NCOA1: variants seen among roughly 807,000 people sequenced by gnomAD.
NCOA1 encodes Hin-2 protein.
NCOA1 carries 35 observed loss-of-function variants against 150.9 expected under a neutral mutation model. That is an observed-to-expected ratio of 0.23 (90% CI 0.18 to 0.31). NCOA1 has a LOEUF of 0.31. NCOA1 is among the 10% of genes least tolerant of loss of function. NCOA1 has a pLI of 1.00. For synonymous variants in NCOA1, 590 were observed against 630.0 expected, an observed-to-expected ratio of 0.94 and a Z score of 0.95; for missense variants, 1,491 against 1,749.3, an observed-to-expected ratio of 0.85 and a Z score of 2.63.
chr2:24,547,515 C>G (rs1349087289), intron 1 of NCOA1, among the ~76,000 whole-genome samples: 1 of 152,098 alleles, frequency 6.6e-6, no homozygotes, highest in Non-Finnish European at 1.5e-5. Context: ...CCCTGATAAA[C>G]TATGTAGAGC....
At chr2:24,740,928 A>G (rs1663569747) in intron 18 of NCOA1, among the ~76,000 whole-genome samples, 1 of 152,180 alleles carries the variant, frequency 6.6e-6, no homozygotes, top group Admixed American at 6.5e-5. Context: ...TTACATTGAA[A>G]AAATGATTTT....
Position 24,614,199 on chromosome 2 carries a change from C to CTTTT in NCOA1, c.-175+29668_-175+29671dup, listed in dbSNP as rs869113477. Reference sequence around the variant, plus strand: ...CCTATTGTATCGATTCATTTCCATTCTTTTTTTTTTTTTTTTTTTTTTTTT... The same window carrying CTTTT: ...CCTATTGTATCGATTCATTTCCATTCTTTTTTTTTTTTTTTTTTTTTTTTTTTTT... On this transcript the variant is annotated intron_variant, in intron 3 of 22. Coordinates refer to ENST00000348332, the MANE Select transcript of NCOA1 (RefSeq NM_003743.5). 4.4e-3 allele frequency among the ~76,000 whole-genome samples: 40 copies of CTTTT among 9,182 alleles called. 6 individuals are homozygous for CTTTT. The highest frequency in any genetic ancestry group is 7.8e-3 in the East Asian group (2 of 258). 6.0% of individuals were successfully genotyped at this position (9,182 alleles called of 152,430 possible). A position where few individuals can be genotyped will look rare whatever the true frequency, so the allele number is the denominator to read the frequency against.
At chr2:24,551,600 T>C (rs1358067894) in intron 1 of NCOA1, among the ~76,000 whole-genome samples, 1 of 152,204 alleles carries the variant, frequency 6.6e-6, no homozygotes, top group Non-Finnish European at 1.5e-5. Context: ...GTTATTTGAA[T>C]ATAGCTGTGA....
intron 22 of NCOA1, among the ~76,000 whole-genome samples, chr2:24,764,621 T>A (rs1324760189): frequency 6.6e-6 from 1 of 152,274 alleles, no homozygotes; most frequent in East Asian, 1.9e-4. Flanking sequence ...CAACTGAAGG[T>A]AAAGGGTTTA....
intron 1 of NCOA1, among the ~76,000 whole-genome samples, chr2:24,554,886 G>A (rs575024902): frequency 2.0e-5 from 3 of 152,244 alleles, no homozygotes; most frequent in African/African-American, 7.2e-5. Context: ...ATTGGAGTCC[G>A]CTTCTCTACT....
chr2:24,710,060 ATT>A (rs1484232727), intron 13 of NCOA1, among the ~76,000 whole-genome samples: 2 of 151,204 alleles, frequency 1.3e-5, no homozygotes, highest in Non-Finnish European at 3.0e-5. Flanking sequence ...GGAACTCCCT[ATT>A]TATTCTTTTT....
intron 1 of NCOA1, among the ~76,000 whole-genome samples, chr2:24,543,581 G>A (rs1665487486): frequency 6.6e-6 from 1 of 152,056 alleles, no homozygotes; most frequent in Admixed American, 6.6e-5. Context: ...TGCTACAGTG[G>A]ATGGACCACA....
chr2:24,682,802 TC>T, intron 7 of NCOA1, 148 bp from the exon 8 acceptor site: 1 of 469,196 alleles, frequency 2.1e-6, no homozygotes, highest in Non-Finnish European at 3.3e-6. Flanking sequence ...TATGTTTATG[TC>T]TCTCTCTCCT....
intron 1 of NCOA1, among the ~76,000 whole-genome samples, chr2:24,562,607 G>C (rs1666333662): frequency 6.6e-6 from 1 of 152,202 alleles, no homozygotes; most frequent in African/African-American, 2.4e-5. Context: ...GATTAATGGT[G>C]CATTAAGGGT....
intron 1 of NCOA1, among the ~76,000 whole-genome samples, chr2:24,547,988 CAAA>C (rs34669959): frequency 6.7e-5 from 5 of 74,914 alleles, no homozygotes; most frequent in Admixed American, 6.5e-4. Context: ...GACTCTGTCT[CAAA>C]AAAAAAAAAA....
intron 1 of NCOA1, among the ~76,000 whole-genome samples, chr2:24,558,910 G>T (rs1237086177): frequency 1.3e-5 from 2 of 152,110 alleles, no homozygotes; most frequent in Admixed American, 1.3e-4. Flanking sequence ...GCTGTATGCT[G>T]TCTGCTTCTT....
At chr2:24,515,360 G>C (rs940349413) in intron 1 of NCOA1, among the ~76,000 whole-genome samples, 6 of 151,954 alleles carry the variant, frequency 3.9e-5, no homozygotes, top group Non-Finnish European at 8.8e-5. Context: ...AGCCTCCCAA[G>C]TAGCTGGGAC....
In NCOA1 at chr2:24,739,419, C is replaced by A. The variant is rs993740684; in HGVS notation, c.3202-13C>A. 2.1e-5 allele frequency: 33 copies of A among 1,578,806 alleles called. No homozygotes were observed. The highest frequency in any genetic ancestry group is 8.3e-5 in the Admixed American group (5 of 59,928). ...GTGTAGAAATATATCTTATTGTTTC[C>A]ATTTTTCTCTAGTTGATACACCAAA... On this transcript the variant is annotated splice_polypyrimidine_tract_variant and intron_variant, in intron 17 of 22. Transcript: ENST00000348332.
At chr2:24,582,162 A>G (rs570181547) in intron 2 of NCOA1, among the ~76,000 whole-genome samples, 13 of 152,346 alleles carry the variant, frequency 8.5e-5, no homozygotes, top group African/African-American at 3.1e-4. Context: ...AGAGGAAGTC[A>G]AATTGTCTCT....
chr2:24,525,219 AC>A (rs1486729111), intron 1 of NCOA1, among the ~76,000 whole-genome samples: 1 of 152,206 alleles, frequency 6.6e-6, no homozygotes, highest in Non-Finnish European at 1.5e-5. Flanking sequence ...CCTCTCACTT[AC>A]TTGCTCTGAA....
At chr2:24,577,287 C>T (rs6718461) in intron 2 of NCOA1, among the ~76,000 whole-genome samples, 6,011 of 152,196 alleles carry the variant, frequency 0.039, 165 homozygotes, top group African/African-American at 0.082. Context: ...ACACAAAGTG[C>T]ATTTTCTCAA....
chr2:24,757,871 C>A, intron 20 of NCOA1, 102 bp from the exon 21 acceptor site: 1 of 1,040,260 alleles, frequency 9.6e-7, no homozygotes, highest in Non-Finnish European at 1.4e-6. Flanking sequence ...GTCATACATG[C>A]AATTTAAGGA....
chr2:24,518,600 G>C (rs1664301243), intron 1 of NCOA1, among the ~76,000 whole-genome samples: 1 of 152,102 alleles, frequency 6.6e-6, no homozygotes. Flanking sequence ...CTACAAAAAA[G>C]CTACTAGAAG....
At chr2:24,607,031 T>G (rs750957910) in intron 3 of NCOA1, among the ~76,000 whole-genome samples, 27 of 152,176 alleles carry the variant, frequency 1.8e-4, no homozygotes, top group Non-Finnish European at 2.8e-4. Context: ...GCAACTACCA[T>G]AAACTCAGAT....
Sources: gnomAD v4.1 joint callset for allele counts (sites outside exome capture counted in the v4.1 genomes callset) on GRCh38, gnomAD v4.1.1 for gene constraint, MANE v1.5 for transcripts, NCBI Gene and HGNC (gene_info 2026-07-23, HGNC 2026-07-21) for gene names.